WRN: variants seen among roughly 807,000 people sequenced by gnomAD.
The protein encoded by WRN is WRN RecQ like helicase.
Under a neutral mutation model 180.7 loss-of-function variants are expected in WRN, and 149 were observed. That is an observed-to-expected ratio of 0.82 (90% CI 0.72 to 0.94). WRN has a LOEUF of 0.94. Among genes scored for constraint, WRN ranks in the 40% least tolerant of loss-of-function variants. The pLI, the probability that WRN is intolerant of heterozygous loss-of-function variation, is 0.00. For missense variants in WRN, 1,661 were observed against 1,700.1 expected (o/e 0.98, Z 0.40); for synonymous variants, 548 against 568.9 (o/e 0.96, Z 0.52).
chr8:31,134,389 G>A (rs1450420723), intron 24 of WRN, among the ~76,000 whole-genome samples: 1 of 152,086 alleles, frequency 6.6e-6, no homozygotes, highest in African/African-American at 2.4e-5. Flanking sequence ...TCTTACACAA[G>A]ATTTTTCTGA....
At chr8:31,137,056 CTG>C (rs1802426640) in intron 24 of WRN, among the ~76,000 whole-genome samples, 1 of 121,652 alleles carries the variant, frequency 8.2e-6, no homozygotes, top group Non-Finnish European at 1.8e-5. Context: ...TGTTTTAATT[CTG>C]TTTTTTTTTT....
chr8:31,066,233 T>A (rs1254997328), intron 5 of WRN, among the ~76,000 whole-genome samples: 1 of 152,036 alleles, frequency 6.6e-6, no homozygotes, highest in Non-Finnish European at 1.5e-5. Context: ...TCGCCCAGGC[T>A]GGAGTGCAGT....
chr8:31,046,920 T>C (rs1585389389), intron 1 of WRN, among the ~76,000 whole-genome samples: 1 of 152,338 alleles, frequency 6.6e-6, no homozygotes, highest in East Asian at 1.9e-4. Flanking sequence ...TTTTTCTTCT[T>C]ATTCATGTTA....
chr8:31,145,744 T>C lies in WRN; in HGVS notation c.3384-1309T>C, dbSNP rs11574354. ...AGAAAACCTTCTGGAAAATATTCACTATTCTAGAAGTCATGAAGAATATTT... is the reference window on the plus strand; with the variant it reads ...AGAAAACCTTCTGGAAAATATTCACCATTCTAGAAGTCATGAAGAATATTT... On this transcript the variant is annotated intron_variant, in intron 28 of 34. Transcript: ENST00000298139. 7.9e-5 allele frequency among the ~76,000 whole-genome samples: 12 copies of C among 152,274 alleles called. No homozygotes were observed. In the East Asian group the frequency reaches 2.1e-3, roughly 27 times the overall value.
At chr8:31,049,042 TA>T (rs1157694482) in intron 1 of WRN, among the ~76,000 whole-genome samples, 179 of 145,644 alleles carry the variant, frequency 1.2e-3, no homozygotes, top group African/African-American at 3.6e-3. Flanking sequence ...CTGTCTCTAC[TA>T]AAAAAAAAAT....
intron 7 of WRN, among the ~76,000 whole-genome samples, chr8:31,070,311 G>A (rs997875678): frequency 1.3e-5 from 2 of 151,216 alleles, no homozygotes; most frequent in African/African-American, 4.9e-5. Context: ...TGATATTTTC[G>A]AATGACCACT....
At chr8:31,136,688 AATT>A (rs1802410450) in intron 24 of WRN, among the ~76,000 whole-genome samples, 1 of 152,064 alleles carries the variant, frequency 6.6e-6, no homozygotes, top group African/African-American at 2.4e-5. Context: ...AAAATTTAAA[AATT>A]AGCTGAGTGG....
Position 31,134,946 on chromosome 8 carries a change from GC to G in WRN, c.2967+2441del, listed in dbSNP as rs1802341907. Among the ~76,000 whole-genome samples the G allele has an allele frequency of 3.3e-5, 5 of 152,084 alleles. No individual in the cohort carries two copies. The East Asian group carries it at 9.6e-4, about 29-fold the overall frequency. ...TTATAGTTCACAATGACTTTCTGAA[GC>G]TCTAAAGTTGCAGCTGTGAGCTTCT... On this transcript the variant is annotated intron_variant, in intron 24 of 34. Coordinates refer to ENST00000298139, the MANE Select transcript of WRN (RefSeq NM_000553.6).
intron 33 of WRN, among the ~76,000 whole-genome samples, chr8:31,163,524 A>C (rs1803719180): frequency 7.1e-6 from 1 of 140,880 alleles, no homozygotes. Flanking sequence ...AATTAACTTA[A>C]AAGAAAGAAA....
At chr8:31,104,377 T>C (rs1801008783) in intron 18 of WRN, among the ~76,000 whole-genome samples, 1 of 152,250 alleles carries the variant, frequency 6.6e-6, no homozygotes, top group Admixed American at 6.5e-5. Flanking sequence ...ATTGGAGTGC[T>C]TGTTTTTTTC....
Position 31,100,831 on chromosome 8 carries a change from G to A in WRN, c.1982-18G>A. 6.9e-7 allele frequency: 1 copy of A among 1,459,164 alleles called. No homozygotes were observed. The highest frequency in any genetic ancestry group is 9.0e-7 in the Non-Finnish European group (1 of 1,105,166). 90.4% of individuals were successfully genotyped at this position (1,459,164 alleles called of 1,614,324 possible). ...TCGAGCTTTATCTTTTCCTTTATGT[G>A]TTTTTCTTTTTTTACAGGTATCACG... On this transcript the variant is annotated intron_variant, in intron 17 of 34. Coordinates refer to ENST00000298139, the MANE Select transcript of WRN (RefSeq NM_000553.6).
At chr8:31,126,463 A>C (rs1431703672) in intron 23 of WRN, among the ~76,000 whole-genome samples, 1 of 152,210 alleles carries the variant, frequency 6.6e-6, no homozygotes, top group African/African-American at 2.4e-5. Context: ...TGAAAATACA[A>C]AATGTGTGAG....
At position 31,064,582 on chromosome 8, in the gene WRN, A is replaced by G. The variant is rs1413774064; in HGVS notation, c.355+148A>G. ...TTTATGTTCTACCTGATTCACTCAC[A>G]TTCCTTGTTTTATTTAATTTTCACA... On this transcript the variant is annotated intron_variant, in intron 4 of 34. Coordinates refer to ENST00000298139, the MANE Select transcript of WRN (RefSeq NM_000553.6). 5.8e-6 allele frequency: 7 copies of G among 1,209,052 alleles called. No individual in the cohort carries two copies. The East Asian group carries it at 7.5e-5, about 13-fold the overall frequency. The allele number at this position is 1,209,052 out of a possible 1,614,324, so 74.9% of individuals were successfully genotyped here. A position where few individuals can be genotyped will look rare whatever the true frequency, so the allele number is the denominator to read the frequency against.
chr8:31,034,072 C>G (rs2129875962), intron 1 of WRN, 99 bp downstream of exon 1: 1 of 152,430 alleles, frequency 6.6e-6, no homozygotes, highest in South Asian at 2.1e-4. Context: ...GCCCGCGGAG[C>G]AGGCCCCTGG....
rs755426500 is a variant in WRN, at chr8:31,100,849, G to A, written c.1982G>A (p.Gly661Asp). The change falls in exon 18 of 35, where the codon GGT becomes GAT. Residue 661 changes from glycine (G) to aspartate (D), a missense_variant and splice_region_variant. Gly to Asp is a moderately conservative substitution (Grantham distance 94). Transcript: ENST00000298139. Reference protein sequence around the residue: ...GLLQQLEADIGITLIAVDEAH... With the variant: ...GLLQQLEADIDITLIAVDEAH... ...TTTATGTGTTTTTCTTTTTTTACAG[G>A]TATCACGCTCATTGCTGTGGATGAG... The A allele has an allele frequency of 2.5e-6, 4 of 1,611,834 alleles. No individual in the cohort carries two copies. Among genetic ancestry groups the A allele is most frequent in the African/African-American group, 2.7e-5 (2 of 74,390 alleles).
At chr8:31,130,863 A>T (rs557604463) in intron 23 of WRN, among the ~76,000 whole-genome samples, 31 of 152,250 alleles carry the variant, frequency 2.0e-4, no homozygotes, top group Non-Finnish European at 3.2e-4. Context: ...TTTTTTGCTA[A>T]AACTATGACA....
intron 24 of WRN, among the ~76,000 whole-genome samples, chr8:31,136,936 T>C (rs185140069): frequency 6.6e-6 from 1 of 152,300 alleles, no homozygotes; most frequent in Admixed American, 6.5e-5. Context: ...TTTACTCTTA[T>C]CAGTGGACAA....
intron 28 of WRN, among the ~76,000 whole-genome samples, chr8:31,145,799 A>G (rs1011845347): frequency 6.6e-6 from 1 of 152,140 alleles, no homozygotes; most frequent in Non-Finnish European, 1.5e-5. Context: ...CAGAATATCA[A>G]TATTAATAGG....
intron 28 of WRN, 91 bp downstream of exon 28, chr8:31,143,714 A>G (rs1472713258): frequency 1.1e-5 from 10 of 912,142 alleles, no homozygotes; most frequent in Non-Finnish European, 1.6e-5. Flanking sequence ...GGGCTATTTC[A>G]TTGGCAAAAG....
Sources: allele counts gnomAD v4.1 joint callset (sites outside exome capture counted in the v4.1 genomes callset), GRCh38; gene constraint gnomAD v4.1.1; transcripts MANE v1.5; gene names NCBI Gene and HGNC (gene_info 2026-07-23, HGNC 2026-07-21).